The following YBX3 variants were observed in gnomAD, a reference collection of about 807,000 sequenced individuals.
The protein encoded by YBX3 is Y-box-binding protein 3.
Under a neutral mutation model 42.4 loss-of-function variants are expected in YBX3, and 29 were observed. The ratio of observed to expected loss-of-function variants is 0.68; its 90% CI spans 0.51 to 0.93. The LOEUF (loss-of-function observed/expected upper bound fraction) is 0.93, where lower values mean the gene tolerates loss of function less well. YBX3 is among the 40% of genes least tolerant of loss of function. The probability of loss-of-function intolerance (pLI) is 0.00; values close to 1 mark genes in which losing one functional copy is unlikely to be tolerated. For synonymous variants in YBX3, 195 were observed against 189.8 expected (o/e 1.03, Z -0.22); for missense variants, 517 against 527.5 (o/e 0.98, Z 0.19).
chr12:10,706,709 A>AAC (rs1186333716), intron 6 of YBX3, among the ~76,000 whole-genome samples: 1 of 152,144 alleles, frequency 6.6e-6, no homozygotes, highest in African/African-American at 2.4e-5. Flanking sequence ...CTACGGCTTT[A>AAC]AACATCCTGT....
rs1208782685 is a variant in YBX3, at chr12:10,719,158, A to C, written c.263-15T>G. The stretch of plus-strand genomic sequence containing the variant: ...GACTTTGGTGGCTAAAATAGGATTA[A>C]GCAGATAAATTAGTATCTGACCTAC... On this transcript the variant is annotated splice_polypyrimidine_tract_variant and intron_variant, in intron 1 of 9. Transcript: ENST00000228251. The C allele has an allele frequency of 2.5e-6, 4 of 1,610,558 alleles. No homozygotes were observed. The highest frequency in any genetic ancestry group is 8.5e-7 in the Non-Finnish European group (1 of 1,177,476).
chr12:10,723,315 G>A lies in YBX3; in HGVS notation c.-204C>T. ...GCGCTCTCTCTTGGGCTCCTCGCTC[G>A]ATCTTACTGCCCCAAAAATGGCCCC... On this transcript the variant is annotated 5_prime_UTR_variant, in exon 1 of 10. Transcript: ENST00000228251. The A allele has an allele frequency of 1.2e-6, 1 of 837,610 alleles. No homozygotes were observed. The highest frequency in any genetic ancestry group is 1.5e-6 in the Non-Finnish European group (1 of 649,940). 51.9% of individuals were successfully genotyped at this position (837,610 alleles called of 1,614,324 possible).
At chr12:10,702,220 T>G in intron 7 of YBX3, 86 bp from the exon 8 acceptor site, 1 of 1,391,130 alleles carries the variant, frequency 7.2e-7, no homozygotes, top group Non-Finnish European at 9.5e-7. Flanking sequence ...TTTTAAAAAT[T>G]AAAAAGTCAA....
intron 6 of YBX3, among the ~76,000 whole-genome samples, chr12:10,708,845 T>C (rs1948166894): frequency 6.6e-6 from 1 of 152,250 alleles, no homozygotes; most frequent in Non-Finnish European, 1.5e-5. Flanking sequence ...TGATATATGT[T>C]GTATAAGCCA....
rs1948182819 is a variant in YBX3, at chr12:10,710,044, T to C, written c.644A>G (p.Gln215Arg). 1.9e-6 allele frequency: 3 copies of C among 1,614,138 alleles called. No homozygotes were observed. Among genetic ancestry groups the C allele is most frequent in the African/African-American group, 2.7e-5 (2 of 75,058 alleles). Residue 215 changes from glutamine (Q) to arginine (R), a missense_variant, in exon 6 of 10, where the codon CAG (glutamine) becomes CGG (arginine). Transcript: ENST00000228251. ...CAGCTGATTCCGGGCCCCAGAGAACTGCCTATCAGTGGCAGGGGGGTCAAA... is the reference window on the plus strand; with the variant it reads ...CAGCTGATTCCGGGCCCCAGAGAACCGCCTATCAGTGGCAGGGGGGTCAAA... ...EGFDPPATDR[Q>R]FSGARNQLRR... is the part of the protein sequence containing the mutation.
At chr12:10,713,186 T>C in intron 5 of YBX3, 25 bp downstream of exon 5, 1 of 1,596,926 alleles carries the variant, frequency 6.3e-7, no homozygotes. Flanking sequence ...TCTCAATCAC[T>C]GGTTAAGTAA....
chr12:10,701,731 A>G (rs1948081461), intron 8 of YBX3, among the ~76,000 whole-genome samples: 1 of 152,230 alleles, frequency 6.6e-6, no homozygotes, highest in Non-Finnish European at 1.5e-5. Flanking sequence ...CAAATGTTTT[A>G]GCTCTGAATC....
chr12:10,718,222 CA>C, intron 2 of YBX3, 101 bp from the exon 3 acceptor site: 1 of 1,018,068 alleles, frequency 9.8e-7, no homozygotes. Flanking sequence ...CCTCAAAACA[CA>C]ACATATATTT....
At chr12:10,716,358 G>A (rs1272994484) in intron 3 of YBX3, among the ~76,000 whole-genome samples, 5 of 152,152 alleles carry the variant, frequency 3.3e-5, no homozygotes, top group Admixed American at 3.3e-4. Context: ...AGGGATGATG[G>A]GGGAAGTGGA....
intron 4 of YBX3, among the ~76,000 whole-genome samples, chr12:10,715,378 T>A (rs572469519): frequency 1.3e-5 from 2 of 151,892 alleles, no homozygotes; most frequent in East Asian, 3.9e-4. Flanking sequence ...AAACCCCGTC[T>A]CTACTAAAAA....
Position 10,722,821 on chromosome 12 carries a change from C to T in YBX3, c.262+29G>A, listed in dbSNP as rs373690953. 60 of 1,423,766 alleles carry T rather than the reference C, an allele frequency of 4.2e-5. No individual in the cohort carries two copies. In the African/African-American group the frequency reaches 8.2e-4, roughly 19 times the overall value. The allele number at this position is 1,423,766 out of a possible 1,614,324, so 88.2% of individuals were successfully genotyped here. On this transcript the variant is annotated intron_variant, in intron 1 of 9. Coordinates refer to ENST00000228251, the MANE Select transcript of YBX3 (RefSeq NM_003651.5). ...GCCGGCTGGGCCCGCCCCACTACGG[C>T]AGCCCCTGCCCTCCCTGGCCTGACT...
chr12:10,717,026 C>A (rs537292274), intron 3 of YBX3, among the ~76,000 whole-genome samples: 1 of 152,266 alleles, frequency 6.6e-6, no homozygotes, highest in South Asian at 2.1e-4. Context: ...GGTCTATTAA[C>A]CTCAAACCTC....
At chr12:10,719,351 T>C (rs1417593355) in intron 1 of YBX3, among the ~76,000 whole-genome samples, 1 of 152,230 alleles carries the variant, frequency 6.6e-6, no homozygotes, top group Non-Finnish European at 1.5e-5. Context: ...CTTTCTTCCT[T>C]ATTCAACTTT....
At chr12:10,711,534 A>C (rs768628408) in intron 5 of YBX3, 2 of 152,324 alleles carry the variant, frequency 1.3e-5, no homozygotes, top group Non-Finnish European at 2.9e-5. Flanking sequence ...CCAAAATATT[A>C]AGTGTGAGAC....
At chr12:10,706,399 G>GAGA in intron 6 of YBX3, among the ~76,000 whole-genome samples, 1 of 152,276 alleles carries the variant, frequency 6.6e-6, no homozygotes, top group East Asian at 1.9e-4. Flanking sequence ...TGGGGAATAT[G>GAGA]TCTCCTCTTC....
At chr12:10,711,676 A>G (rs1486369929) in intron 5 of YBX3, 1 of 152,228 alleles carries the variant, frequency 6.6e-6, no homozygotes, top group African/African-American at 2.4e-5. Context: ...GATACTGAAC[A>G]AGTTGTTGGG....
chr12:10,722,700 A>AC, intron 1 of YBX3, 150 bp downstream of exon 1: 1 of 684,474 alleles, frequency 1.5e-6, no homozygotes, highest in South Asian at 7.5e-5. Flanking sequence ...GGACCCGGAG[A>AC]CCCCTGGGGA....
Position 10,699,364 on chromosome 12 carries a change from T to C in YBX3, c.*325A>G, listed in dbSNP as rs963565430. On this transcript the variant is annotated 3_prime_UTR_variant, in exon 10 of 10. Coordinates refer to ENST00000228251, the MANE Select transcript of YBX3 (RefSeq NM_003651.5). ...TTAATATTTCTTGTTTCAATATATA[T>C]ATTACCAAAACAGTAAAAACCAGGA... is the stretch of plus-strand genomic sequence containing the variant. 1 of 152,532 alleles carries C rather than the reference T, an allele frequency of 6.6e-6. No individual in the cohort carries two copies. The highest frequency in any genetic ancestry group is 6.6e-5 in the Admixed American group (1 of 15,266). 9.4% of individuals were successfully genotyped at this position (152,532 alleles called of 1,614,324 possible).
intron 1 of YBX3, among the ~76,000 whole-genome samples, chr12:10,721,565 C>G (rs1452085077): frequency 6.6e-6 from 1 of 151,842 alleles, no homozygotes; most frequent in Non-Finnish European, 1.5e-5. Context: ...AAAATCAGGC[C>G]TATTTTGTTT....
Sources: gnomAD v4.1 joint callset for allele counts (sites outside exome capture counted in the v4.1 genomes callset) on GRCh38, gnomAD v4.1.1 for gene constraint, MANE v1.5 for transcripts, NCBI Gene and HGNC (gene_info 2026-07-23, HGNC 2026-07-21) for gene names.